Variants in MAP2K5 observed in about 807,000 individuals in gnomAD.
MAP2K5 encodes dual specificity mitogen-activated protein kinase kinase 5.
MAP2K5 carries 49 observed loss-of-function variants against 83.1 expected under a neutral mutation model. The observed-to-expected ratio is 0.59, with a 90% CI of 0.47 to 0.75. The LOEUF is 0.75. MAP2K5 is among the 30% of genes least tolerant of loss of function. The pLI is 0.00. For synonymous variants in MAP2K5, 202 were observed against 191.8 expected (o/e 1.05, Z -0.44); for missense variants, 457 against 557.5 (o/e 0.82, Z 1.82).
At chr15:67,799,289 C>T (rs2090661092) in intron 21 of MAP2K5, among the ~76,000 whole-genome samples, 1 of 152,286 alleles carries the variant, frequency 6.6e-6, no homozygotes, top group Non-Finnish European at 1.5e-5. Flanking sequence ...GCTATGTGGA[C>T]AGGAAGACTC....
rs2090268572 is a variant in MAP2K5, at chr15:67,778,053, T to C, written c.1242+5301T>C. Among the ~76,000 whole-genome samples, 1 of 152,196 alleles carries C rather than the reference T, an allele frequency of 6.6e-6. No homozygotes were observed. Among genetic ancestry groups the C allele is most frequent in the Non-Finnish European group, 1.5e-5 (1 of 68,040 alleles). On this transcript the variant is annotated intron_variant, in intron 21 of 21. Transcript: ENST00000178640. This position sits in a 1 kb window ranked among gnomAD's most constrained non-coding sequence, Gnocchi z 5.0. ...CATGTCATCCCAGCAGCTGCAAACT[T>C]GAAGGCATCTCATTTCTCAGCTAAG...
intron 21 of MAP2K5, among the ~76,000 whole-genome samples, chr15:67,773,132 C>T (rs2090173456): frequency 6.6e-6 from 1 of 152,024 alleles, no homozygotes; most frequent in African/African-American, 2.4e-5. Context: ...GGCATGGAGT[C>T]CTCTTAGATT....
chr15:67,792,529 A>G (rs1364483168), intron 21 of MAP2K5, among the ~76,000 whole-genome samples: 1 of 152,096 alleles, frequency 6.6e-6, no homozygotes, highest in Non-Finnish European at 1.5e-5. Context: ...ACCAGCTGAC[A>G]CTCACTCTCT....
intron 21 of MAP2K5, among the ~76,000 whole-genome samples, chr15:67,805,160 C>T (rs774704816): frequency 2.0e-5 from 3 of 152,366 alleles, no homozygotes; most frequent in Non-Finnish European, 2.9e-5. Flanking sequence ...TCTTCGAAGC[C>T]GAGTTTCCTC....
chr15:67,691,565 G>A (rs1477275604), intron 13 of MAP2K5, among the ~76,000 whole-genome samples: 1 of 152,166 alleles, frequency 6.6e-6, no homozygotes, highest in African/African-American at 2.4e-5. Context: ...GAGATTATAT[G>A]CTGTTTTAAA....
At chr15:67,772,664 A>G (rs1566959491) in intron 20 of MAP2K5, 43 bp from the exon 21 acceptor site, 1 of 1,363,902 alleles carries the variant, frequency 7.3e-7, no homozygotes, top group Non-Finnish European at 1.0e-6. Context: ...AAAATATACA[A>G]ATGACACAGA....
rs1291269673 is a variant in MAP2K5 at position 67,677,239 on chromosome 15, C to T, written c.847+12594C>T. On this transcript the variant is annotated intron_variant, in intron 13 of 21. Coordinates refer to ENST00000178640, the MANE Select transcript of MAP2K5 (RefSeq NM_145160.3). This position sits in a 1 kb window ranked among gnomAD's most constrained non-coding sequence, Gnocchi z 4.2. Reference sequence around the variant, plus strand: ...ATAAATATAATGCAGTTTGTTAAGGCTTAAGAGCTTTACTAGTCGAAGCCT... The same window carrying T: ...ATAAATATAATGCAGTTTGTTAAGGTTTAAGAGCTTTACTAGTCGAAGCCT... Among the ~76,000 whole-genome samples the T allele has an allele frequency of 6.6e-6, 1 of 152,146 alleles. No homozygotes were observed. Among genetic ancestry groups the T allele is most frequent in the Non-Finnish European group, 1.5e-5 (1 of 68,026 alleles).
At chr15:67,804,884 G>A (rs562383702) in intron 21 of MAP2K5, among the ~76,000 whole-genome samples, 9 of 152,312 alleles carry the variant, frequency 5.9e-5, no homozygotes, top group African/African-American at 1.9e-4. Flanking sequence ...CGTGGGGTGG[G>A]CATATATATG....
At chr15:67,710,342 A>G (rs1204515491) in intron 16 of MAP2K5, among the ~76,000 whole-genome samples, 1 of 152,116 alleles carries the variant, frequency 6.6e-6, no homozygotes, top group African/African-American at 2.4e-5. Flanking sequence ...CCTCTTCATC[A>G]TGACCAGTGT....
chr15:67,608,963 G>A (rs577566815), intron 8 of MAP2K5, among the ~76,000 whole-genome samples: 2 of 152,190 alleles, frequency 1.3e-5, no homozygotes, highest in African/African-American at 4.8e-5. Flanking sequence ...GAATTTACCT[G>A]CAGAGGCAGA....
intron 12 of MAP2K5, among the ~76,000 whole-genome samples, chr15:67,659,749 A>T (rs1206568864): frequency 6.6e-6 from 1 of 152,182 alleles, no homozygotes; most frequent in Non-Finnish European, 1.5e-5. Flanking sequence ...ATTGAAAAAG[A>T]AAAAAGTATA....
chr15:67,549,763 G>A (rs992754968), intron 1 of MAP2K5, among the ~76,000 whole-genome samples: 7 of 151,914 alleles, frequency 4.6e-5, no homozygotes, highest in African/African-American at 1.5e-4. Flanking sequence ...AATACATGAC[G>A]GTTTATTTGT....
intron 7 of MAP2K5, among the ~76,000 whole-genome samples, chr15:67,595,290 T>C (rs1296859856): frequency 1.3e-5 from 2 of 152,198 alleles, no homozygotes; most frequent in Non-Finnish European, 2.9e-5. Context: ...TGATATAGTG[T>C]CAACAGTTCA....
At chr15:67,699,970 TAAAAAAA>T (rs5813453) in intron 15 of MAP2K5, among the ~76,000 whole-genome samples, 3 of 140,908 alleles carry the variant, frequency 2.1e-5, no homozygotes, top group Non-Finnish European at 3.1e-5. Flanking sequence ...CTTGCCAATG[TAAAAAAA>T]AAAAAAAAAA....
intron 16 of MAP2K5, among the ~76,000 whole-genome samples, chr15:67,705,590 G>A (rs2088530785): frequency 2.0e-5 from 3 of 152,074 alleles, no homozygotes; most frequent in Admixed American, 6.6e-5. Context: ...CAAACAATTA[G>A]CTGGGTGTGG....
chr15:67,612,075 T>TTC (rs201260832), intron 8 of MAP2K5, among the ~76,000 whole-genome samples: 20 of 103,726 alleles, frequency 1.9e-4, no homozygotes, highest in East Asian at 1.4e-3. Context: ...TTGGTTTTCT[T>TTC]TTTTTTTTTT....
At position 67,775,861 on chromosome 15, in the gene MAP2K5, T is replaced by G. The variant is rs1000110987; in HGVS notation, c.1242+3109T>G. Among the ~76,000 whole-genome samples, 2 of 152,208 alleles carry G rather than the reference T, an allele frequency of 1.3e-5. No homozygotes were observed. The highest frequency in any genetic ancestry group is 2.9e-5 in the Non-Finnish European group (2 of 68,038). On this transcript the variant is annotated intron_variant, in intron 21 of 21. Coordinates refer to ENST00000178640, the MANE Select transcript of MAP2K5 (RefSeq NM_145160.3). This position sits in a 1 kb window ranked among gnomAD's most constrained non-coding sequence, Gnocchi z 5.3. ...AGAGCAATGTGAAGCCTCTAGTGCC[T>G]GCTGGAACAGAAACCTCTTCAACAT... is the stretch of plus-strand genomic sequence containing the variant.
chr15:67,598,000 T>C lies in MAP2K5; in HGVS notation c.481-2685T>C, dbSNP rs927150157. Reference sequence around the variant, plus strand: ...CAGGCTGATCACCTGAGGTCAGGAGTTCGAGACCAGCCCGGATATCATGGT... The same window carrying C: ...CAGGCTGATCACCTGAGGTCAGGAGCTCGAGACCAGCCCGGATATCATGGT... On this transcript the variant is annotated intron_variant, in intron 7 of 21. Coordinates refer to ENST00000178640, the MANE Select transcript of MAP2K5 (RefSeq NM_145160.3). Among the ~76,000 whole-genome samples, 6 of 151,970 alleles carry C rather than the reference T, an allele frequency of 3.9e-5. No individual in the cohort carries two copies. In the East Asian group the frequency reaches 1.2e-3, roughly 29 times the overall value.
chr15:67,608,671 A>T (rs539182039), intron 8 of MAP2K5, among the ~76,000 whole-genome samples: 1 of 152,134 alleles, frequency 6.6e-6, no homozygotes, highest in African/African-American at 2.4e-5. Flanking sequence ...GAAAGAGAAG[A>T]TTAAAGGGCT....
Sources: allele counts gnomAD v4.1 joint callset (sites outside exome capture counted in the v4.1 genomes callset), GRCh38; gene constraint gnomAD v4.1.1; non-coding constraint Gnocchi (gnomAD v3.1); transcripts MANE v1.5; gene names NCBI Gene and HGNC (gene_info 2026-07-23, HGNC 2026-07-21).